The following SEL1L3 variants were observed in gnomAD, a reference collection of about 807,000 sequenced individuals.
SEL1L3 encodes the protein protein sel-1 homolog 3.
A neutral mutation model predicts 142.8 loss-of-function variants in SEL1L3; 76 were observed. That is an observed-to-expected ratio of 0.53 (90% CI 0.44 to 0.64). The LOEUF is 0.64. Ranked by LOEUF, SEL1L3 falls within the 30% of genes least tolerant of loss-of-function variation. The pLI, the probability that SEL1L3 is intolerant of heterozygous loss-of-function variation, is 0.00. For synonymous variants in SEL1L3, 504 were observed against 519.6 expected, an observed-to-expected ratio of 0.97 and a Z score of 0.41; for missense variants, 1,262 against 1,381.7, an observed-to-expected ratio of 0.91 and a Z score of 1.37.
chr4:25,727,447 A>G, the SEL1L3 span, among the ~76,000 whole-genome samples: 36 of 152,302 alleles, frequency 2.4e-4, no homozygotes, highest in East Asian at 6.0e-3. Flanking sequence ...ATTGTCTCCA[A>G]TGTAGCCCAT....
the SEL1L3 span, among the ~76,000 whole-genome samples, chr4:25,739,014 A>G: frequency 2.0e-5 from 3 of 151,688 alleles, no homozygotes; most frequent in South Asian, 4.2e-4. Context: ...GACCAGCATG[A>G]CCAACATGGA....
In SEL1L3 at chr4:25,847,349, C is replaced by A; in HGVS notation, c.678G>T (p.Met226Ile). The A allele has an allele frequency of 6.2e-7, 1 of 1,613,954 alleles. No homozygotes were observed. The highest frequency in any genetic ancestry group is 8.5e-7 in the Non-Finnish European group (1 of 1,179,904). ...TTGCCCGAAGGTTCCAAATATAACCCATGTTCCACTCAAGGCACACTTGAT... is the reference window on the plus strand; with the variant it reads ...TTGCCCGAAGGTTCCAAATATAACCAATGTTCCACTCAAGGCACACTTGAT... ...KDHQVCLEWN[M>I]GYIWNLRANR... The change falls in exon 2 of 24, where the codon ATG becomes ATT. Residue 226 changes from methionine to isoleucine, a missense_variant. Physicochemically the swap from Met to Ile is conservative, Grantham distance 10 (BLOSUM62 1). Coordinates refer to ENST00000399878, the MANE Select transcript of SEL1L3 (RefSeq NM_015187.5).
chr4:25,836,914 A>G (rs10050085), intron 2 of SEL1L3, among the ~76,000 whole-genome samples: 13 of 152,258 alleles, frequency 8.5e-5, no homozygotes, highest in African/African-American at 2.4e-4. Context: ...TGGAAATCGT[A>G]AGAGCAGTTT....
chr4:25,856,186 C>T (rs1002158623), intron 1 of SEL1L3, among the ~76,000 whole-genome samples: 1 of 152,162 alleles, frequency 6.6e-6, no homozygotes, highest in Non-Finnish European at 1.5e-5. Context: ...ATCCCTCGAC[C>T]CTCTGCTGAA....
rs377721730 is a variant in SEL1L3 at position 25,828,125 on chromosome 4, CTA to C, written c.1157+1971_1157+1972del. Among the ~76,000 whole-genome samples, 1,209 of 152,328 alleles carry C rather than the reference CTA, an allele frequency of 7.9e-3. 21 individuals carry two copies. The highest frequency in any genetic ancestry group is 0.027 in the African/African-American group (1,137 of 41,576). ...GTGCTCTCTCCCTAGGCCTCAGCCG[CTA>C]TGTTTCAATGCAGCTATTAAGCCAC... On this transcript the variant is annotated intron_variant, in intron 6 of 23. Transcript: ENST00000399878.
chr4:25,816,330 T>C (rs1164383528), intron 9 of SEL1L3, among the ~76,000 whole-genome samples: 1 of 151,998 alleles, frequency 6.6e-6, no homozygotes, highest in South Asian at 2.1e-4. Flanking sequence ...ATTAAGTAAC[T>C]TGCCCAAATC....
At chr4:25,850,469 C>T (rs1716806925) in intron 1 of SEL1L3, among the ~76,000 whole-genome samples, 1 of 152,114 alleles carries the variant, frequency 6.6e-6, no homozygotes, top group Non-Finnish European at 1.5e-5. Flanking sequence ...AGGAAGCATG[C>T]CCTCTTATGT....
At chr4:25,857,620 G>A (rs749805196) in intron 1 of SEL1L3, among the ~76,000 whole-genome samples, 18 of 152,208 alleles carry the variant, frequency 1.2e-4, no homozygotes, top group Admixed American at 5.9e-4. Flanking sequence ...TGCCTTCAGA[G>A]AGGGTAAGTA....
chr4:25,759,291 T>C, intron 20 of SEL1L3: 2 of 497,968 alleles, frequency 4.0e-6, no homozygotes, highest in Non-Finnish European at 7.1e-6. Flanking sequence ...CTGTGTCCCA[T>C]CTGCTCCGAA....
At chr4:25,844,544 AAAG>A (rs1716390825) in intron 2 of SEL1L3, among the ~76,000 whole-genome samples, 2 of 152,210 alleles carry the variant, frequency 1.3e-5, no homozygotes, top group African/African-American at 4.8e-5. Context: ...AGAAACAACA[AAAG>A]AAGGAAAAGA....
Position 25,748,523 on chromosome 4 carries a change from T to C in SEL1L3, c.3301A>G (p.Thr1101Ala), listed in dbSNP as rs200464132. The change falls in exon 24 of 24, where the codon ACT (threonine) becomes GCT (alanine). Residue 1101 changes from threonine (T) to alanine (A), a missense_variant. By Grantham distance (58) the Thr-to-Ala change is moderately conservative (BLOSUM62 0). Around this residue, in one of 3 missense-constraint regions of SEL1L3, gnomAD observed 138 missense variants for 129.7 expected, o/e 1.06. Transcript: ENST00000399878. ...GCTGGACTTGCAGTGGACGTGGCAGTGTCTGGGGAGGCCTGGGATGGTCTT... is the reference window on the plus strand; with the variant it reads ...GCTGGACTTGCAGTGGACGTGGCAGCGTCTGGGGAGGCCTGGGATGGTCTT... ...PPRPSQASPD[T>A]ATSTASPAVT... The C allele has an allele frequency of 1.9e-6, 3 of 1,611,708 alleles. No homozygotes were observed. Among genetic ancestry groups the C allele is most frequent in the Non-Finnish European group, 2.5e-6 (3 of 1,179,260 alleles).
chr4:25,797,045 G>A (rs976794435), intron 11 of SEL1L3, among the ~76,000 whole-genome samples: 2 of 150,988 alleles, frequency 1.3e-5, no homozygotes, highest in African/African-American at 2.4e-5. Flanking sequence ...GACAGGTAGT[G>A]GAGAGAGAAA....
In SEL1L3 at chr4:25,843,341, G is replaced by C. The variant is rs981996741; in HGVS notation, c.733+3953C>G. Reference sequence around the variant, plus strand: ...ACTTGCAGGCAGTGCCAGGAGTCCAGACAGGAGGATGACGGCTTAGACCAG... The same window carrying C: ...ACTTGCAGGCAGTGCCAGGAGTCCACACAGGAGGATGACGGCTTAGACCAG... On this transcript the variant is annotated intron_variant, in intron 2 of 23. Coordinates refer to ENST00000399878, the MANE Select transcript of SEL1L3 (RefSeq NM_015187.5). 5.3e-5 allele frequency among the ~76,000 whole-genome samples: 8 copies of C among 152,310 alleles called. 1 individual carries two copies. Among genetic ancestry groups the C allele is most frequent in the African/African-American group, 1.4e-4 (6 of 41,574 alleles).
At chr4:25,714,154 G>A in the SEL1L3 span, among the ~76,000 whole-genome samples, 2 of 152,052 alleles carry the variant, frequency 1.3e-5, no homozygotes, top group African/African-American at 4.8e-5. Flanking sequence ...ATTTTGGGGG[G>A]ACTTGAAATC....
At chr4:25,807,364 G>C (rs752884381) in intron 9 of SEL1L3, among the ~76,000 whole-genome samples, 1 of 152,086 alleles carries the variant, frequency 6.6e-6, no homozygotes, top group Non-Finnish European at 1.5e-5. Flanking sequence ...GCGGAATCTT[G>C]TCTTGGATTT....
In SEL1L3 at chr4:25,767,542, A is replaced by T; in HGVS notation, c.2828T>A (p.Ile943Asn). Residue 943 changes from isoleucine to asparagine, a missense_variant, in exon 19 of 24, where the codon ATC (isoleucine) becomes AAC (asparagine). Ile to Asn is a moderately radical substitution (Grantham distance 149). Around this residue, in one of 3 missense-constraint regions of SEL1L3, gnomAD observed 435 missense variants for 559.2 expected, o/e 0.78. Transcript: ENST00000399878. ...ATACATACCAAAGGAAGGAGCATCG[A>T]TTTGAAAAACAGAGAAATTATAGTA... ...WRYYNFSVFQIDAPSFAYLKM... is the reference protein window; with the variant it reads ...WRYYNFSVFQNDAPSFAYLKM... The T allele has an allele frequency of 1.3e-6, 2 of 1,590,856 alleles. No individual in the cohort carries two copies. The highest frequency in any genetic ancestry group is 2.7e-5 in the African/African-American group (2 of 74,584).
At chr4:25,753,955 G>T (rs2109113810) in intron 23 of SEL1L3, among the ~76,000 whole-genome samples, 1 of 151,448 alleles carries the variant, frequency 6.6e-6, no homozygotes, top group East Asian at 1.9e-4. Flanking sequence ...CTGTACTCCA[G>T]CCTGGGCGAC....
In SEL1L3 at chr4:25,758,924, A is replaced by G; in HGVS notation, c.3083+17T>C. 1 of 1,611,010 alleles carries G rather than the reference A, an allele frequency of 6.2e-7. No homozygotes were observed. Among genetic ancestry groups the G allele is most frequent in the African/African-American group, 1.3e-5 (1 of 74,900 alleles). Reference sequence around the variant, plus strand: ...GGGTTCCCTCAGATTCCACAGTTCTAGAGGCTCTGAGCTCACCTTTCGTAC... The same window carrying G: ...GGGTTCCCTCAGATTCCACAGTTCTGGAGGCTCTGAGCTCACCTTTCGTAC... On this transcript the variant is annotated intron_variant, in intron 21 of 23. Transcript: ENST00000399878.
chr4:25,817,787 A>T (rs1185048648), intron 9 of SEL1L3, among the ~76,000 whole-genome samples: 1 of 152,110 alleles, frequency 6.6e-6, no homozygotes, highest in Non-Finnish European at 1.5e-5. Flanking sequence ...TTTTCATACA[A>T]GCTTTTTAGA....
Sources: allele counts gnomAD v4.1 joint callset (sites outside exome capture counted in the v4.1 genomes callset), GRCh38; gene constraint gnomAD v4.1.1; regional missense constraint gnomAD v4.1.1; transcripts MANE v1.5; gene names NCBI Gene and HGNC (gene_info 2026-07-23, HGNC 2026-07-21).